CLVS1: variants seen among roughly 807,000 people sequenced by gnomAD.
CLVS1 encodes the protein clavesin-1.
In CLVS1, 10 loss-of-function variants were observed where a neutral mutation model predicts 33.1. That is an observed-to-expected ratio of 0.30 (90% CI 0.19 to 0.51). The LOEUF (loss-of-function observed/expected upper bound fraction) is 0.51, where lower values mean the gene tolerates loss of function less well. Among genes scored for constraint, CLVS1 ranks in the 20% least tolerant of loss-of-function variants. CLVS1 has a pLI of 0.97. For missense variants in CLVS1, 343 were observed against 433.4 expected (o/e 0.79, Z 1.85); for synonymous variants, 163 against 166.1 (o/e 0.98, Z 0.14).
At position 61,250,600 on chromosome 8, in the gene CLVS1, T is replaced by G. The variant is rs556650225; in HGVS notation, c.-151-49077T>G. Among the ~76,000 whole-genome samples the G allele has an allele frequency of 2.0e-5, 3 of 152,294 alleles. No individual in the cohort carries two copies. In the South Asian group the frequency reaches 6.2e-4, roughly 32 times the overall value. Reference sequence around the variant, plus strand: ...TGTCCTTTCTTATTTCCTTGAGCAGTGTTTTGTAGTTCTACTTGAAGAGGT... The same window carrying G: ...TGTCCTTTCTTATTTCCTTGAGCAGGGTTTTGTAGTTCTACTTGAAGAGGT... On this transcript the variant is annotated intron_variant, in intron 2 of 2. Transcript: ENST00000522621.
chr8:61,428,853 T>A (rs1423255616), intron 3 of CLVS1, among the ~76,000 whole-genome samples: 1 of 152,190 alleles, frequency 6.6e-6, no homozygotes, highest in African/African-American at 2.4e-5. Context: ...TTGAAAAGAA[T>A]CTGTGTATAA....
At chr8:61,159,954 G>A (rs915683602) in intron 2 of CLVS1, among the ~76,000 whole-genome samples, 1 of 152,214 alleles carries the variant, frequency 6.6e-6, no homozygotes, top group African/African-American at 2.4e-5. Context: ...GAGGCCTTCA[G>A]AAGTATTTAT....
At chr8:61,195,257 A>G (rs2129303618) in intron 2 of CLVS1, among the ~76,000 whole-genome samples, 1 of 152,108 alleles carries the variant, frequency 6.6e-6, no homozygotes. Context: ...AAAATTGACA[A>G]ACCTCTGGTG....
chr8:61,233,637 GC>G (rs1489734977), intron 2 of CLVS1, among the ~76,000 whole-genome samples: 1 of 152,096 alleles, frequency 6.6e-6, no homozygotes, highest in Admixed American at 6.5e-5. Flanking sequence ...TTCCCATTCT[GC>G]CTCCAGAGCC....
At chr8:61,151,692 C>A (rs1806539815) in intron 2 of CLVS1, among the ~76,000 whole-genome samples, 1 of 152,188 alleles carries the variant, frequency 6.6e-6, no homozygotes, top group Non-Finnish European at 1.5e-5. Flanking sequence ...TTTGGATGTG[C>A]AGAGTTCAAG....
At chr8:61,254,464 T>G (rs2129591889) in intron 2 of CLVS1, among the ~76,000 whole-genome samples, 1 of 152,336 alleles carries the variant, frequency 6.6e-6, no homozygotes, top group Non-Finnish European at 1.5e-5. Flanking sequence ...CAGGGACATT[T>G]AAGTCTGCAG....
chr8:60,973,439 G>T, the CLVS1 span, among the ~76,000 whole-genome samples: 4 of 152,160 alleles, frequency 2.6e-5, no homozygotes, highest in Admixed American at 2.6e-4. Flanking sequence ...CTGAGTTACT[G>T]GTGGCTAATC....
At chr8:61,173,148 G>T (rs909379445) in intron 2 of CLVS1, among the ~76,000 whole-genome samples, 1 of 152,000 alleles carries the variant, frequency 6.6e-6, no homozygotes, top group Non-Finnish European at 1.5e-5. Context: ...TTATTATCTG[G>T]TTAACATTTT....
intron 5 of CLVS1, among the ~76,000 whole-genome samples, chr8:61,461,911 A>G (rs1817381152): frequency 6.6e-6 from 1 of 152,248 alleles, no homozygotes; most frequent in Non-Finnish European, 1.5e-5. Context: ...TGATAATCTT[A>G]TGATGGGAAA....
chr8:61,465,290 C>T (rs1817507601), intron 5 of CLVS1: 2 of 152,186 alleles, frequency 1.3e-5, no homozygotes, highest in South Asian at 4.1e-4. Context: ...GTGCACCGAC[C>T]TTGGGACCCA....
At chr8:61,225,451 C>G (rs560068565) in intron 2 of CLVS1, among the ~76,000 whole-genome samples, 1 of 152,188 alleles carries the variant, frequency 6.6e-6, no homozygotes, top group Non-Finnish European at 1.5e-5. Flanking sequence ...AAAAATCATA[C>G]TTTGTTATTT....
chr8:61,399,437 T>G (rs543596999), intron 3 of CLVS1, among the ~76,000 whole-genome samples: 1 of 152,360 alleles, frequency 6.6e-6, no homozygotes, highest in African/African-American at 2.4e-5. Flanking sequence ...TTGTAAATGC[T>G]GGACCTTTGT....
chr8:61,462,318 A>C (rs571969706), intron 5 of CLVS1, among the ~76,000 whole-genome samples: 49 of 152,352 alleles, frequency 3.2e-4, no homozygotes, highest in Admixed American at 1.8e-3. Flanking sequence ...GTCCAGATCC[A>C]TCAGACAAAT....
At chr8:61,377,056 C>T (rs778935530) in intron 3 of CLVS1, 56 of 311,728 alleles carry the variant, frequency 1.8e-4, no homozygotes, top group Admixed American at 2.8e-4. Flanking sequence ...CTTAATCCAT[C>T]AGAGAGTTCA....
upstream of CLVS1, among the ~76,000 whole-genome samples, chr8:61,052,990 G>A (rs764133499): frequency 3.7e-4 from 56 of 152,272 alleles, no homozygotes; most frequent in Non-Finnish European, 6.0e-4. Flanking sequence ...AGATGTAAAC[G>A]TGGATTGACG....
At chr8:61,453,781 G>A (rs1031055482) in intron 3 of CLVS1, among the ~76,000 whole-genome samples, 5 of 152,192 alleles carry the variant, frequency 3.3e-5, no homozygotes, top group South Asian at 2.1e-4. Flanking sequence ...CTTGTGCTGA[G>A]AGCCTGTAAG....
At chr8:61,004,359 C>T in the CLVS1 span, among the ~76,000 whole-genome samples, 6 of 152,174 alleles carry the variant, frequency 3.9e-5, no homozygotes, top group African/African-American at 1.4e-4. Context: ...CAACTCTTGT[C>T]CCTTCCTCAA....
At chr8:61,426,812 C>CT (rs1293789740) in intron 3 of CLVS1, among the ~76,000 whole-genome samples, 1 of 152,102 alleles carries the variant, frequency 6.6e-6, no homozygotes, top group African/African-American at 2.4e-5. Flanking sequence ...GGTTTGCTGT[C>CT]TTTTTTCCAT....
At chr8:61,140,791 C>T (rs1324519098) in intron 2 of CLVS1, among the ~76,000 whole-genome samples, 3 of 152,098 alleles carry the variant, frequency 2.0e-5, no homozygotes, top group Non-Finnish European at 4.4e-5. Context: ...TGGTCTCGAT[C>T]TCCTGACCTC....
Sources: gnomAD v4.1 joint callset for allele counts (sites outside exome capture counted in the v4.1 genomes callset) on GRCh38, gnomAD v4.1.1 for gene constraint, MANE v1.5 for transcripts, NCBI Gene and HGNC (gene_info 2026-07-23, HGNC 2026-07-21) for gene names.